The following NUFIP1 variants were observed in gnomAD, a reference collection of about 807,000 sequenced individuals.
NUFIP1 encodes the protein nuclear FMR1 interacting protein 1.
A neutral mutation model predicts 56.2 loss-of-function variants in NUFIP1; 38 were observed. That is an observed-to-expected ratio of 0.68 (90% CI 0.52 to 0.89). NUFIP1 has a LOEUF of 0.89. NUFIP1 is among the 40% of genes least tolerant of loss of function. The pLI is 0.00. For missense variants in NUFIP1, 567 were observed against 605.8 expected (o/e 0.94, Z 0.67); for synonymous variants, 215 against 212.4 (o/e 1.01, Z -0.10).
At chr13:44,942,459 C>T (rs1372435696) in intron 9 of NUFIP1, among the ~76,000 whole-genome samples, 1 of 152,044 alleles carries the variant, frequency 6.6e-6, no homozygotes, top group Non-Finnish European at 1.5e-5. Context: ...CAAAATGGAG[C>T]GTATATTTCA....
intron 9 of NUFIP1, among the ~76,000 whole-genome samples, chr13:44,942,036 T>C (rs1870758255): frequency 6.6e-6 from 1 of 151,280 alleles, no homozygotes; most frequent in African/African-American, 2.4e-5. Flanking sequence ...GCCTCCCGAG[T>C]AGCTGGGATT....
At chr13:44,947,970 A>G (rs1443879280) in intron 8 of NUFIP1, among the ~76,000 whole-genome samples, 1 of 152,152 alleles carries the variant, frequency 6.6e-6, no homozygotes, top group Non-Finnish European at 1.5e-5. Context: ...ATAGTAAGCC[A>G]TGGCCCACTT....
chr13:44,989,283 A>G lies in NUFIP1; in HGVS notation c.154T>C (p.Ser52Pro). The G allele has an allele frequency of 6.2e-7, 1 of 1,613,560 alleles. No individual in the cohort carries two copies. The highest frequency in any genetic ancestry group is 1.1e-5 in the South Asian group (1 of 90,978). Residue 52 changes from serine to proline, a missense_variant, in exon 1 of 10, where the codon TCC becomes CCC. Physicochemically the swap from Ser to Pro is moderately conservative, Grantham distance 74. Coordinates refer to ENST00000379161, the MANE Select transcript of NUFIP1 (RefSeq NM_012345.3). ...MLPPPPPPLT[S>P]SLPAAGSKPS... ...TTTGACCCGGCTGCGGGAAGCGAGG[A>G]CGTAAGTGGTGGTGGCGGTGGCGGC...
chr13:44,940,199 G>C lies in NUFIP1; in HGVS notation c.*1007C>G, dbSNP rs1304547867. Reference sequence around the variant, plus strand: ...GGAGTAGGGTGAAACAGAATAAACAGATCTGTATGGTGGGTACAAGGCTGG... The same window carrying C: ...GGAGTAGGGTGAAACAGAATAAACACATCTGTATGGTGGGTACAAGGCTGG... On this transcript the variant is annotated 3_prime_UTR_variant, in exon 10 of 10. Transcript: ENST00000379161. 2.0e-5 allele frequency: 3 copies of C among 152,260 alleles called. No individual in the cohort carries two copies. Among genetic ancestry groups the C allele is most frequent in the Admixed American group, 6.5e-5 (1 of 15,286 alleles). The allele number at this position is 152,260 out of a possible 1,614,324, so 9.4% of individuals were successfully genotyped here.
chr13:44,988,401 T>A (rs971813234), intron 1 of NUFIP1, among the ~76,000 whole-genome samples: 3 of 151,944 alleles, frequency 2.0e-5, no homozygotes, highest in African/African-American at 7.3e-5. Context: ...TGGAGTGAAG[T>A]AGATCGCGCT....
chr13:44,977,313 AAAG>A (rs1424908949), intron 5 of NUFIP1, among the ~76,000 whole-genome samples: 9 of 152,358 alleles, frequency 5.9e-5, no homozygotes, highest in African/African-American at 2.2e-4. Flanking sequence ...ATGTATTTGC[AAAG>A]GAGGTAGTAA....
At chr13:44,959,657 GA>G in intron 6 of NUFIP1, 83 bp from the exon 7 acceptor site, 1 of 1,110,382 alleles carries the variant, frequency 9.0e-7, no homozygotes, top group Non-Finnish European at 1.3e-6. Flanking sequence ...AGATACAAAA[GA>G]AACCTAGCTG....
chr13:44,981,766 C>A (rs979979953), intron 2 of NUFIP1, among the ~76,000 whole-genome samples: 4 of 151,828 alleles, frequency 2.6e-5, no homozygotes, highest in African/African-American at 9.7e-5. Flanking sequence ...GAGCCAAGAT[C>A]GTACCACTGC....
chr13:44,966,008 C>G (rs1329545454), intron 5 of NUFIP1, 72 bp from the exon 6 acceptor site: 1 of 782,986 alleles, frequency 1.3e-6, no homozygotes, highest in Non-Finnish European at 1.9e-6. Context: ...CAAGCAATTG[C>G]TGAATTTAGC....
chr13:44,978,511 A>G (rs181527799), intron 5 of NUFIP1, among the ~76,000 whole-genome samples: 66 of 152,344 alleles, frequency 4.3e-4, no homozygotes, highest in Non-Finnish European at 2.5e-4. Context: ...AGAAGGCAGT[A>G]TAACAGTGCC....
intron 5 of NUFIP1, among the ~76,000 whole-genome samples, chr13:44,977,847 G>A (rs1221773415): frequency 2.6e-5 from 4 of 152,116 alleles, no homozygotes; most frequent in African/African-American, 4.8e-5. Context: ...TCAGAAGTTC[G>A]AGACCAGCCT....
chr13:44,971,257 C>T (rs939162864), intron 5 of NUFIP1, among the ~76,000 whole-genome samples: 2 of 152,076 alleles, frequency 1.3e-5, no homozygotes, highest in African/African-American at 2.4e-5. Context: ...TCCAAAATTG[C>T]CATCTTCACC....
At chr13:44,976,355 AAGG>A (rs144168367) in intron 5 of NUFIP1, among the ~76,000 whole-genome samples, 2,564 of 151,456 alleles carry the variant, frequency 0.017, 78 homozygotes, top group African/African-American at 0.056. Flanking sequence ...AGAAAGGAGA[AAGG>A]AGGAGGAGGA....
At chr13:44,943,792 T>A (rs1870827771) in intron 8 of NUFIP1, 118 bp from the exon 9 acceptor site, 2 of 762,528 alleles carry the variant, frequency 2.6e-6, no homozygotes, top group Non-Finnish European at 4.2e-6. Context: ...GTTCACTTAA[T>A]AACTTAAAAC....
At position 44,941,235 on chromosome 13, in the gene NUFIP1, T is replaced by A. The variant is rs1401266212; in HGVS notation, c.1459A>T (p.Thr487Ser). 6.2e-7 allele frequency: 1 copy of A among 1,604,378 alleles called. No individual in the cohort carries two copies. Among genetic ancestry groups the A allele is most frequent in the Non-Finnish European group, 8.5e-7 (1 of 1,173,364 alleles). ...IIKKDFFGLD[T>S]NSAKSKDV Reference sequence around the variant, plus strand: ...ACATCTTTACTTTTCGCAGAATTAGTATCCAGTCCAAAAAAGTCTTTTTTG... The same window carrying A: ...ACATCTTTACTTTTCGCAGAATTAGAATCCAGTCCAAAAAAGTCTTTTTTG... The change falls in exon 10 of 10, where the codon ACT becomes TCT. Residue 487 changes from threonine to serine, a missense_variant. By Grantham distance (58) the Thr-to-Ser change is moderately conservative (BLOSUM62 1). Transcript: ENST00000379161.
intron 9 of NUFIP1, 93 bp downstream of exon 9, chr13:44,943,349 C>T: frequency 1.9e-6 from 2 of 1,064,240 alleles, no homozygotes; most frequent in Non-Finnish European, 2.7e-6. Context: ...AACCTTAAAA[C>T]AAACACACAC....
At position 44,982,072 on chromosome 13, in the gene NUFIP1, C is replaced by CTT; in HGVS notation, c.493_494dup (p.Lys166ArgfsTer38). 6.8e-7 allele frequency: 1 copy of CTT among 1,473,202 alleles called. No homozygotes were observed. The highest frequency in any genetic ancestry group is 9.0e-7 in the Non-Finnish European group (1 of 1,106,724). 91.3% of individuals were successfully genotyped at this position (1,473,202 alleles called of 1,614,324 possible). A position where few individuals can be genotyped will look rare whatever the true frequency, so the allele number is the denominator to read the frequency against. ...AAATTCAAGAACATCTTTCAAATAC[C>CTT]TTTTTTTTCTGTTTTCTACTGGGAG... On this transcript the variant is annotated frameshift_variant and splice_region_variant, in exon 2 of 10. Transcript: ENST00000379161. LOFTEE classifies it high-confidence loss of function.
At chr13:44,968,019 T>C (rs535075845) in intron 5 of NUFIP1, among the ~76,000 whole-genome samples, 6 of 151,862 alleles carry the variant, frequency 4.0e-5, no homozygotes, top group Admixed American at 2.0e-4. Context: ...ATAAAGCCTA[T>C]GGGTGGGCCA....
At chr13:44,987,043 C>A (rs918919937) in intron 1 of NUFIP1, among the ~76,000 whole-genome samples, 3 of 151,950 alleles carry the variant, frequency 2.0e-5, no homozygotes, top group African/African-American at 7.3e-5. Flanking sequence ...AGGTCTCAAA[C>A]TCCTGGGCTC....
Sources: allele counts gnomAD v4.1 joint callset (sites outside exome capture counted in the v4.1 genomes callset), GRCh38; gene constraint gnomAD v4.1.1; transcripts MANE v1.5; gene names NCBI Gene and HGNC (gene_info 2026-07-23, HGNC 2026-07-21).